The following LDLRAD4 variants were observed in gnomAD, a reference collection of about 807,000 sequenced individuals.
LDLRAD4 encodes the protein low density lipoprotein receptor class A domain containing 4.
LDLRAD4 carries 5 observed loss-of-function variants against 17.0 expected under a neutral mutation model. The ratio of observed to expected loss-of-function variants is 0.29; its 90% CI spans 0.15 to 0.62. The LOEUF (loss-of-function observed/expected upper bound fraction) is 0.62. LDLRAD4 is among the 20% of genes least tolerant of loss of function. LDLRAD4 has a pLI of 0.84. For missense variants in LDLRAD4, 340 were observed against 424.7 expected, an observed-to-expected ratio of 0.80 and a Z score of 1.75; for synonymous variants, 168 against 171.8, an observed-to-expected ratio of 0.98 and a Z score of 0.17.
intron 3 of LDLRAD4, among the ~76,000 whole-genome samples, chr18:13,568,216 C>A (rs964792632): frequency 6.6e-6 from 1 of 151,904 alleles, no homozygotes; most frequent in Admixed American, 6.6e-5. Context: ...ATCACTTGAA[C>A]CTGGGAGGTG....
At chr18:13,508,738 C>T (rs1001816583) in intron 3 of LDLRAD4, among the ~76,000 whole-genome samples, 1 of 152,178 alleles carries the variant, frequency 6.6e-6, no homozygotes, top group Non-Finnish European at 1.5e-5. Context: ...TAATAATGCA[C>T]CTGGTCACCA....
intron 4 of LDLRAD4, among the ~76,000 whole-genome samples, chr18:13,627,752 A>C (rs550467161): frequency 1.7e-4 from 26 of 152,298 alleles, no homozygotes; most frequent in Admixed American, 4.6e-4. Flanking sequence ...TAAAGCTTAT[A>C]GCCAGAGGGA....
intron 4 of LDLRAD4, among the ~76,000 whole-genome samples, chr18:13,640,671 G>T (rs980323603): frequency 6.6e-6 from 1 of 152,230 alleles, no homozygotes; most frequent in Non-Finnish European, 1.5e-5. Flanking sequence ...GGCTGGCTTG[G>T]CCCGGGCAGC....
intron 3 of LDLRAD4, among the ~76,000 whole-genome samples, chr18:13,585,619 C>G (rs1424168041): frequency 6.6e-6 from 1 of 152,194 alleles, no homozygotes; most frequent in East Asian, 1.9e-4. Context: ...TCCCACTCCC[C>G]CTTTCAAGCC....
At chr18:13,641,176 G>A (rs905145371) in intron 4 of LDLRAD4, among the ~76,000 whole-genome samples, 9 of 152,200 alleles carry the variant, frequency 5.9e-5, no homozygotes, top group African/African-American at 2.2e-4. Context: ...CTTTAGCTGG[G>A]CATGGTGATT....
At position 13,612,499 on chromosome 18, in the gene LDLRAD4, C is replaced by G; in HGVS notation, c.182-8618C>G. The G allele has an allele frequency of 8.1e-6, 11 of 1,359,880 alleles. No homozygotes were observed. In the South Asian group the frequency reaches 1.6e-4, roughly 20 times the overall value. The allele number at this position is 1,359,880 out of a possible 1,614,324, so 84.2% of individuals were successfully genotyped here. A position where few individuals can be genotyped will look rare whatever the true frequency, so the allele number is the denominator to read the frequency against. On this transcript the variant is annotated intron_variant, in intron 3 of 5. Coordinates refer to ENST00000359446, the Ensembl canonical transcript of LDLRAD4. ...TTTGAGTCTAGCACCTGGGGTGGGC[C>G]CTGCTGATACAGTAGAGAGAGAGTG...
intron 1 of LDLRAD4, among the ~76,000 whole-genome samples, chr18:13,373,601 G>T (rs1229029915): frequency 6.6e-6 from 1 of 152,164 alleles, no homozygotes; most frequent in Non-Finnish European, 1.5e-5. Context: ...CATTTTCAGA[G>T]ATTAATATAT....
At chr18:13,304,046 C>T (rs1303249799) in intron 1 of LDLRAD4, among the ~76,000 whole-genome samples, 2 of 152,238 alleles carry the variant, frequency 1.3e-5, no homozygotes, top group Non-Finnish European at 2.9e-5. Flanking sequence ...TAGAGTCCTG[C>T]ACCGCCAGGG....
At chr18:13,369,993 A>G (rs1216217939) in intron 1 of LDLRAD4, among the ~76,000 whole-genome samples, 6 of 152,198 alleles carry the variant, frequency 3.9e-5, no homozygotes, top group Admixed American at 3.9e-4. Flanking sequence ...CGCTCTTGCC[A>G]CTAGAATGCG....
At chr18:13,497,300 C>G (rs1322001895) in intron 3 of LDLRAD4, among the ~76,000 whole-genome samples, 1 of 152,110 alleles carries the variant, frequency 6.6e-6, no homozygotes, top group African/African-American at 2.4e-5. Context: ...CCTCAGCCTC[C>G]GGAATAGCTG....
At chr18:13,358,102 G>T (rs986869845) in intron 1 of LDLRAD4, among the ~76,000 whole-genome samples, 2 of 151,798 alleles carry the variant, frequency 1.3e-5, no homozygotes, top group Non-Finnish European at 2.9e-5. Flanking sequence ...TATATTTTTT[G>T]CACCAGACCT....
chr18:13,257,450 C>T (rs555042536), intron 1 of LDLRAD4, among the ~76,000 whole-genome samples: 365 of 152,252 alleles, frequency 2.4e-3, no homozygotes, highest in African/African-American at 8.4e-3. Flanking sequence ...CCTGGTAGGA[C>T]GTGGACATGC....
At chr18:13,413,902 A>T (rs76012846) in intron 2 of LDLRAD4, among the ~76,000 whole-genome samples, 357 of 147,540 alleles carry the variant, frequency 2.4e-3, no homozygotes, top group African/African-American at 8.5e-3. Context: ...TCCAGAAATT[A>T]AAAAAAAAAA....
chr18:13,625,841 A>G (rs187240850), intron 4 of LDLRAD4, among the ~76,000 whole-genome samples: 3,002 of 60,556 alleles, frequency 0.05, 98 homozygotes, highest in African/African-American at 0.14. Flanking sequence ...TCCTCCCCCC[A>G]CCAGAGCCCT....
chr18:13,266,239 C>T (rs1004765960), intron 1 of LDLRAD4, among the ~76,000 whole-genome samples: 1 of 152,176 alleles, frequency 6.6e-6, no homozygotes, highest in African/African-American at 2.4e-5. Flanking sequence ...TCCTGTGGAC[C>T]CAGGAACACA....
At chr18:13,433,645 G>C (rs1420324972) in intron 2 of LDLRAD4, among the ~76,000 whole-genome samples, 1 of 152,030 alleles carries the variant, frequency 6.6e-6, no homozygotes, top group African/African-American at 2.4e-5. Flanking sequence ...ACCGAGTTTA[G>C]GTTTACATTA....
chr18:13,505,805 A>C lies in LDLRAD4; in HGVS notation c.181+67421A>C, dbSNP rs192759194. Among the ~76,000 whole-genome samples the C allele has an allele frequency of 7.2e-5, 11 of 152,194 alleles. No individual in the cohort carries two copies. In the East Asian group the frequency reaches 1.9e-3, roughly 27 times the overall value. On this transcript the variant is annotated intron_variant, in intron 3 of 5. Coordinates refer to ENST00000359446, the Ensembl canonical transcript of LDLRAD4. ...TGCATTCCAGTCTGGGCGACAGAGCAAGACTCTGTCTCAAAAAAACAAAAA... is the reference window on the plus strand; with the variant it reads ...TGCATTCCAGTCTGGGCGACAGAGCCAGACTCTGTCTCAAAAAAACAAAAA...
chr18:13,576,421 C>CAAAA (rs60116058), intron 3 of LDLRAD4, among the ~76,000 whole-genome samples: 13 of 90,130 alleles, frequency 1.4e-4, no homozygotes, highest in Admixed American at 2.3e-4. Context: ...GACTCTGTCT[C>CAAAA]AAAAAAAAAA....
chr18:13,398,640 A>C lies in LDLRAD4; in HGVS notation c.40+10878A>C, dbSNP rs1024509507. Among the ~76,000 whole-genome samples the C allele has an allele frequency of 9.4e-4, 143 of 152,124 alleles. 1 individual carries two copies. The highest frequency in any genetic ancestry group is 9.4e-3 in the Admixed American group (143 of 15,282). On this transcript the variant is annotated intron_variant, in intron 2 of 5. Transcript: ENST00000359446. This position sits in a 1 kb window ranked among gnomAD's most constrained non-coding sequence, Gnocchi z 4.8. ...AGGAGATGGGCGGCCCCTCCCTCTA[A>C]CAACTTGATATGTAGTGATCAATGC...
Sources: gnomAD v4.1 joint callset for allele counts (sites outside exome capture counted in the v4.1 genomes callset) on GRCh38, gnomAD v4.1.1 for gene constraint, Gnocchi (gnomAD v3.1) non-coding constraint, MANE v1.5 for transcripts, NCBI Gene and HGNC (gene_info 2026-07-23, HGNC 2026-07-21) for gene names.